The following IL18R1 variants were observed in gnomAD, a reference collection of about 807,000 sequenced individuals.
IL18R1 encodes the protein interleukin-18 receptor 1.
In IL18R1, 40 loss-of-function variants were observed where a neutral mutation model predicts 48.5. The observed-to-expected ratio is 0.82, with a 90% CI of 0.64 to 1.07. IL18R1 has a LOEUF of 1.07. IL18R1 is among the 50% of genes least tolerant of loss of function. IL18R1 has a pLI of 0.00. For missense variants in IL18R1, 596 were observed against 633.7 expected (o/e 0.94, Z 0.64); for synonymous variants, 232 against 225.9 (o/e 1.03, Z -0.24).
chr2:102,359,145 G>A (rs1477373774), intron 1 of IL18R1, among the ~76,000 whole-genome samples: 1 of 152,100 alleles, frequency 6.6e-6, no homozygotes. Flanking sequence ...GCAAACCGTA[G>A]GGGAAATACA....
intron 1 of IL18R1, among the ~76,000 whole-genome samples, chr2:102,359,439 A>G (rs1340300764): frequency 6.6e-6 from 1 of 152,236 alleles, no homozygotes; most frequent in Non-Finnish European, 1.5e-5. Context: ...TTTGTCATAT[A>G]TTAGCATAAC....
At chr2:102,391,182 A>G (rs1324669092) in intron 9 of IL18R1, among the ~76,000 whole-genome samples, 5 of 152,100 alleles carry the variant, frequency 3.3e-5, no homozygotes, top group African/African-American at 9.7e-5. Flanking sequence ...CAGGAAAAAA[A>G]CCTTCACAGA....
intron 5 of IL18R1, among the ~76,000 whole-genome samples, chr2:102,378,318 G>A (rs1279464595): frequency 6.6e-6 from 1 of 152,166 alleles, no homozygotes; most frequent in Non-Finnish European, 1.5e-5. Context: ...TCCTCATCAT[G>A]AAATGGGACA....
chr2:102,376,971 TCA>T (rs1389223727), intron 5 of IL18R1, among the ~76,000 whole-genome samples: 1 of 152,238 alleles, frequency 6.6e-6, no homozygotes, highest in Non-Finnish European at 1.5e-5. Flanking sequence ...TTCAAGAATT[TCA>T]CAGATTAAAT....
intron 2 of IL18R1, among the ~76,000 whole-genome samples, chr2:102,366,269 T>G (rs992767408): frequency 2.0e-5 from 3 of 152,156 alleles, no homozygotes; most frequent in African/African-American, 4.8e-5. Context: ...GTTCCATAGA[T>G]CTCTAGGACA....
At chr2:102,357,321 C>G (rs1678309480) in intron 1 of IL18R1, among the ~76,000 whole-genome samples, 1 of 151,956 alleles carries the variant, frequency 6.6e-6, no homozygotes, top group Non-Finnish European at 1.5e-5. Flanking sequence ...GAAACCCCGT[C>G]TCTACTAAAA....
chr2:102,391,989 C>T (rs949731553), intron 9 of IL18R1, among the ~76,000 whole-genome samples: 3 of 152,102 alleles, frequency 2.0e-5, no homozygotes, highest in Admixed American at 1.3e-4. Flanking sequence ...TGCAAATATT[C>T]CCAGGCTGTA....
intron 9 of IL18R1, among the ~76,000 whole-genome samples, chr2:102,393,950 A>G (rs1308935477): frequency 6.6e-6 from 1 of 152,148 alleles, no homozygotes; most frequent in Non-Finnish European, 1.5e-5. Context: ...AAGTTGTTGC[A>G]TGCATCTGCT....
At chr2:102,368,217 T>C in intron 3 of IL18R1, 149 bp downstream of exon 3, 1 of 892,046 alleles carries the variant, frequency 1.1e-6, no homozygotes, top group Non-Finnish European at 1.7e-6. Flanking sequence ...TTCTTTGTTA[T>C]GGAACAGAAT....
In IL18R1 at chr2:102,396,619, G is replaced by A. The variant is rs768557298; in HGVS notation, c.1359G>A (p.Arg453=). 2 of 1,613,422 alleles carry A rather than the reference G, an allele frequency of 1.2e-6. No homozygotes were observed. The highest frequency in any genetic ancestry group is 1.7e-6 in the Non-Finnish European group (2 of 1,179,424). Residue 453 remains arginine, a synonymous_variant, in exon 11 of 11, where the codon AGG becomes AGA. Transcript: ENST00000233957. ...AAAGTTATATGTCTAATGAGGTCAG[G>A]TATGAACTTGAAAGTGGACTCCATG... ...LSKSYMSNEV[R]YELESGLHEA... is the part of the protein sequence containing the mutation.
At chr2:102,368,374 A>G (rs1679036622) in intron 3 of IL18R1, among the ~76,000 whole-genome samples, 3 of 152,202 alleles carry the variant, frequency 2.0e-5, no homozygotes, top group Non-Finnish European at 4.4e-5. Flanking sequence ...TGTTGTCTAC[A>G]TGCCCCCAGT....
intron 6 of IL18R1, among the ~76,000 whole-genome samples, chr2:102,382,752 T>A (rs1205014046): frequency 6.6e-6 from 1 of 152,216 alleles, no homozygotes; most frequent in African/African-American, 2.4e-5. Context: ...TATGACCACA[T>A]GGGCCCAGTG....
intron 2 of IL18R1, among the ~76,000 whole-genome samples, chr2:102,364,650 G>A (rs188567103): frequency 5.2e-4 from 79 of 152,220 alleles, no homozygotes; most frequent in Admixed American, 4.8e-3. Flanking sequence ...TGGTAGATTC[G>A]ACATCCATGT....
chr2:102,358,142 G>A (rs1488314487), intron 1 of IL18R1, among the ~76,000 whole-genome samples: 1 of 152,178 alleles, frequency 6.6e-6, no homozygotes, highest in African/African-American at 2.4e-5. Context: ...GCTGTAATCT[G>A]AGGCTGGCCA....
chr2:102,388,352 C>T (rs1012987621), intron 8 of IL18R1, among the ~76,000 whole-genome samples: 3 of 152,168 alleles, frequency 2.0e-5, no homozygotes, highest in Admixed American at 6.5e-5. Context: ...AGAAACTTGC[C>T]CAGGGTCACA....
intron 7 of IL18R1, among the ~76,000 whole-genome samples, chr2:102,386,424 C>T (rs1000344474): frequency 3.3e-5 from 5 of 152,208 alleles, no homozygotes; most frequent in Admixed American, 2.6e-4. Context: ...ACACATTAAA[C>T]CAGTTTGTTG....
At chr2:102,390,765 C>G (rs187798037) in intron 9 of IL18R1, among the ~76,000 whole-genome samples, 1 of 151,984 alleles carries the variant, frequency 6.6e-6, no homozygotes, top group Admixed American at 6.5e-5. Flanking sequence ...AACCCTGTCT[C>G]TACTAAAAAT....
rs80334017 is a variant in IL18R1 at position 102,395,315 on chromosome 2, G to A, written c.1270+688G>A. Among the ~76,000 whole-genome samples the A allele has an allele frequency of 8.4e-3, 1,265 of 150,962 alleles. 18 individuals carry two copies. Among genetic ancestry groups the A allele is most frequent in the African/African-American group, 0.028 (1,167 of 41,100 alleles). ...CTTTAGAACAAACATTTAAAATCTG[G>A]TGTCAAATTATTCTGGATACTGATG... On this transcript the variant is annotated intron_variant, in intron 10 of 10. Coordinates refer to ENST00000233957, the MANE Select transcript of IL18R1 (RefSeq NM_003855.5).
chr2:102,369,828 T>C (rs769543195), intron 3 of IL18R1, among the ~76,000 whole-genome samples: 3 of 152,238 alleles, frequency 2.0e-5, no homozygotes, highest in Non-Finnish European at 4.4e-5. Flanking sequence ...TGAGGACTGA[T>C]AATTTAATCC....
Sources: gnomAD v4.1 joint callset for allele counts (sites outside exome capture counted in the v4.1 genomes callset) on GRCh38, gnomAD v4.1.1 for gene constraint, MANE v1.5 for transcripts, NCBI Gene and HGNC (gene_info 2026-07-23, HGNC 2026-07-21) for gene names.